The following DOCK3 variants were observed in gnomAD, a reference collection of about 807,000 sequenced individuals.
DOCK3 encodes dedicator of cytokinesis protein 3.
A neutral mutation model predicts 265.6 loss-of-function variants in DOCK3; 60 were observed. That is an observed-to-expected ratio of 0.23 (90% CI 0.18 to 0.28). DOCK3 has a LOEUF of 0.28. DOCK3 is among the 10% of genes least tolerant of loss of function. The probability of loss-of-function intolerance (pLI) is 1.00; values close to 1 mark genes in which losing one functional copy is unlikely to be tolerated. For synonymous variants in DOCK3, 881 were observed against 938.0 expected, an observed-to-expected ratio of 0.94 and a Z score of 1.11; for missense variants, 1,981 against 2,594.3, an observed-to-expected ratio of 0.76 and a Z score of 5.14.
rs1326463569 is a variant in DOCK3, at chr3:51,256,627, CTTG to C, written c.2185-3524_2185-3522del. ...TTTTTTTTTTAGATGGAGTCTCACTCTTGTTGTGCAGGCTGGACTGCAGAGGCA... is the reference window on the plus strand; with the variant it reads ...TTTTTTTTTTAGATGGAGTCTCACTCTTGTGCAGGCTGGACTGCAGAGGCA... On this transcript the variant is annotated intron_variant, in intron 22 of 52. Coordinates refer to ENST00000266037, the MANE Select transcript of DOCK3 (RefSeq NM_004947.5). 1.7e-4 allele frequency among the ~76,000 whole-genome samples: 24 copies of C among 143,338 alleles called. No individual in the cohort carries two copies. The East Asian group carries it at 3.6e-3, about 21-fold the overall frequency. 94.0% of individuals were successfully genotyped at this position (143,338 alleles called of 152,430 possible).
At chr3:51,019,905 CT>C (rs1575791425) in intron 5 of DOCK3, among the ~76,000 whole-genome samples, 1 of 151,684 alleles carries the variant, frequency 6.6e-6, no homozygotes, top group African/African-American at 2.4e-5. Context: ...GATTCCATGT[CT>C]TTGGTATTAT....
At chr3:51,275,807 AAG>A (rs779399519) in intron 25 of DOCK3, among the ~76,000 whole-genome samples, 2 of 152,142 alleles carry the variant, frequency 1.3e-5, no homozygotes, top group Non-Finnish European at 2.9e-5. Context: ...AATCAGTGGT[AAG>A]AGGGGATGAA....
chr3:50,735,949 G>A (rs1214297173), intron 1 of DOCK3, among the ~76,000 whole-genome samples: 3 of 152,090 alleles, frequency 2.0e-5, no homozygotes, highest in Non-Finnish European at 4.4e-5. Flanking sequence ...TGTACACAAC[G>A]TGCAGGTTTG....
chr3:51,090,444 T>A (rs2082596490), intron 9 of DOCK3, 60 bp downstream of exon 9: 2 of 1,485,560 alleles, frequency 1.3e-6, no homozygotes, highest in South Asian at 2.7e-5. Flanking sequence ...GTCATAGGCA[T>A]CTCTGGCCAT....
intron 15 of DOCK3, 133 bp from the exon 16 acceptor site, chr3:51,227,150 T>G (rs1287440593): frequency 5.2e-5 from 49 of 949,394 alleles, no homozygotes; most frequent in Non-Finnish European, 7.1e-5. Context: ...TCAAATGCAT[T>G]TTCTTATCTC....
chr3:50,753,467 C>T (rs1399843223), intron 1 of DOCK3, among the ~76,000 whole-genome samples: 2 of 152,162 alleles, frequency 1.3e-5, no homozygotes, highest in African/African-American at 4.8e-5. Flanking sequence ...CTCAGCCTCC[C>T]AAGTTGGGAC....
chr3:51,283,274 C>T (rs752632997), intron 27 of DOCK3, among the ~76,000 whole-genome samples: 1 of 152,190 alleles, frequency 6.6e-6, no homozygotes, highest in African/African-American at 2.4e-5. Context: ...ACCATAAAAT[C>T]AGGAAAGGAA....
At chr3:51,186,720 G>T (rs953583397) in intron 12 of DOCK3, among the ~76,000 whole-genome samples, 2 of 152,186 alleles carry the variant, frequency 1.3e-5, no homozygotes, top group African/African-American at 4.8e-5. Flanking sequence ...AGCTGCTCCA[G>T]CTGTGGCTGA....
At chr3:50,881,241 C>T (rs1277000645) in intron 3 of DOCK3, 1 of 152,194 alleles carries the variant, frequency 6.6e-6, no homozygotes. Flanking sequence ...CCTCTCTCAC[C>T]ACTCCTATTC....
intron 10 of DOCK3, among the ~76,000 whole-genome samples, chr3:51,146,981 C>T (rs1043132245): frequency 6.6e-5 from 10 of 152,024 alleles, no homozygotes; most frequent in South Asian, 2.1e-4. Flanking sequence ...GGGCATGTGG[C>T]GTGTGTCTGT....
At chr3:50,920,769 G>A (rs1454924254) in intron 4 of DOCK3, among the ~76,000 whole-genome samples, 1 of 152,100 alleles carries the variant, frequency 6.6e-6, no homozygotes. Flanking sequence ...TCTGATCTTA[G>A]TTATTTCTTG....
intron 2 of DOCK3, among the ~76,000 whole-genome samples, chr3:50,834,609 T>G (rs1320549302): frequency 6.6e-6 from 1 of 152,178 alleles, no homozygotes; most frequent in African/African-American, 2.4e-5. Context: ...AAAATATTAA[T>G]TAAGTCAGAG....
rs2088801430 is a variant in DOCK3 at position 51,383,644 on chromosome 3, T to C, written c.*2085T>C. On this transcript the variant is annotated 3_prime_UTR_variant, in exon 53 of 53. Coordinates refer to ENST00000266037, the MANE Select transcript of DOCK3 (RefSeq NM_004947.5). ...AAGGTGAAACCGTTTGTTTTCCCTC[T>C]CCATTTTCCCTAACTAAATGAAAAG... 1 of 152,410 alleles carries C rather than the reference T, an allele frequency of 6.6e-6. No homozygotes were observed. The highest frequency in any genetic ancestry group is 1.5e-5 in the Non-Finnish European group (1 of 68,042). 9.4% of individuals were successfully genotyped at this position (152,410 alleles called of 1,614,324 possible).
chr3:51,050,993 T>G (rs1291647558), intron 5 of DOCK3, among the ~76,000 whole-genome samples: 2 of 152,200 alleles, frequency 1.3e-5, no homozygotes, highest in African/African-American at 4.8e-5. Context: ...GATGTAACAG[T>G]TTGATGGCAG....
intron 33 of DOCK3, among the ~76,000 whole-genome samples, chr3:51,331,401 C>T (rs970804888): frequency 6.6e-6 from 1 of 151,964 alleles, no homozygotes; most frequent in African/African-American, 2.4e-5. Context: ...ATGACTACTA[C>T]AAAGGAAAAA....
Position 51,237,552 on chromosome 3 carries a change from G to A in DOCK3, c.2064G>A (p.Thr688=), listed in dbSNP as rs139930069. The A allele has an allele frequency of 1.1e-5, 17 of 1,613,584 alleles. No individual in the cohort carries two copies. Among genetic ancestry groups the A allele is most frequent in the African/African-American group, 1.3e-5 (1 of 74,986 alleles). ...KYFHFRPVMD[T]YIQKHFAGAL... ...TTCACTTTCGACCTGTGATGGACACGTATATCCAGAAGCACTTTGCTGGAG... is the reference window on the plus strand; with the variant it reads ...TTCACTTTCGACCTGTGATGGACACATATATCCAGAAGCACTTTGCTGGAG... The change falls in exon 21 of 53, where the codon ACG becomes ACA. Residue 688 remains threonine, a synonymous_variant. Coordinates refer to ENST00000266037, the MANE Select transcript of DOCK3 (RefSeq NM_004947.5).
At chr3:51,268,293 A>T (rs1222934724) in intron 23 of DOCK3, among the ~76,000 whole-genome samples, 1 of 152,116 alleles carries the variant, frequency 6.6e-6, no homozygotes, top group East Asian at 1.9e-4. Flanking sequence ...GCACCACTGC[A>T]CTCCAGCCTG....
intron 12 of DOCK3, among the ~76,000 whole-genome samples, chr3:51,165,607 A>G (rs547932324): frequency 6.6e-6 from 1 of 151,996 alleles, no homozygotes; most frequent in Non-Finnish European, 1.5e-5. Flanking sequence ...CTTTTCCACT[A>G]TCCTCTAGCC....
At chr3:51,089,898 CAAAAAAAAAAAAA>C (rs1166631932) in intron 8 of DOCK3, among the ~76,000 whole-genome samples, 1 of 42,308 alleles carries the variant, frequency 2.4e-5, no homozygotes, top group African/African-American at 9.4e-5. Flanking sequence ...GACTCTGTCT[CAAAAAAAAAAAAA>C]AAAAAAAAAA....
Sources: allele counts gnomAD v4.1 joint callset (sites outside exome capture counted in the v4.1 genomes callset), GRCh38; gene constraint gnomAD v4.1.1; transcripts MANE v1.5; gene names NCBI Gene and HGNC (gene_info 2026-07-23, HGNC 2026-07-21).